Variants in KLHL14 observed in about 807,000 individuals in gnomAD.
KLHL14 encodes kelch like family member 14, also known as kelch-like protein 14.
KLHL14 carries 22 observed loss-of-function variants against 64.3 expected under a neutral mutation model. That is an observed-to-expected ratio of 0.34 (90% CI 0.24 to 0.49). The LOEUF (loss-of-function observed/expected upper bound fraction) is 0.49. Ranked by LOEUF, KLHL14 falls within the 20% of genes least tolerant of loss-of-function variation. KLHL14 has a pLI of 0.99. For synonymous variants in KLHL14, 322 were observed against 333.4 expected, an observed-to-expected ratio of 0.97 and a Z score of 0.37; for missense variants, 661 against 789.0, an observed-to-expected ratio of 0.84 and a Z score of 1.94.
intron 3 of KLHL14, among the ~76,000 whole-genome samples, chr18:32,712,705 C>G (rs2050025551): frequency 6.6e-6 from 1 of 152,188 alleles, no homozygotes; most frequent in Non-Finnish European, 1.5e-5. Context: ...GTTGTCTTTG[C>G]TCAAGATTTC....
In KLHL14 at chr18:32,770,793, T is replaced by C. The variant is rs994621237; in HGVS notation, c.-43-159A>G. Among the ~76,000 whole-genome samples, 6 of 152,034 alleles carry C rather than the reference T, an allele frequency of 3.9e-5. No individual in the cohort carries two copies. Among genetic ancestry groups the C allele is most frequent in the African/African-American group, 9.7e-5 (4 of 41,394 alleles). Reference sequence around the variant, plus strand: ...CCTGGCGCGCTCCGGACCCCGACCCTAGGAGGAAAGTCCGAAGACGCTGGA... The same window carrying C: ...CCTGGCGCGCTCCGGACCCCGACCCCAGGAGGAAAGTCCGAAGACGCTGGA... On this transcript the variant is annotated intron_variant, in intron 1 of 8. Coordinates refer to ENST00000359358, the MANE Select transcript of KLHL14 (RefSeq NM_020805.3). This position sits in a 1 kb window ranked among gnomAD's most constrained non-coding sequence, Gnocchi z 6.7.
At chr18:32,761,488 A>G (rs1038555503) in intron 2 of KLHL14, among the ~76,000 whole-genome samples, 6 of 147,554 alleles carry the variant, frequency 4.1e-5, no homozygotes, top group African/African-American at 7.6e-5. Flanking sequence ...TGCCTCTCCA[A>G]TTGCATATTT....
At chr18:32,771,910 C>G (rs1407953835) in intron 1 of KLHL14, 1 of 164,428 alleles carries the variant, frequency 6.1e-6, no homozygotes. Flanking sequence ...AGCGGCCCCC[C>G]ACTCGGGCAC....
Position 32,680,534 on chromosome 18 carries a change from G to C in KLHL14, c.1304C>G (p.Thr435Ser). The C allele has an allele frequency of 6.2e-7, 1 of 1,613,744 alleles. No individual in the cohort carries two copies. Residue 435 changes from threonine (T) to serine (S), a missense_variant, in exon 6 of 9, where the codon ACT (threonine) becomes AGT (serine). Thr to Ser is a moderately conservative substitution (Grantham distance 58). Transcript: ENST00000359358. This position sits in a 1 kb window ranked among gnomAD's most constrained non-coding sequence, Gnocchi z 4.8. ...HLYVIGGRNE[T>S]GYLSSVECYN... ...GCACTCCACGCTGGACAAGTAGCCAGTTTCATTCCTTCCACCAATTACGTA... is the reference window on the plus strand; with the variant it reads ...GCACTCCACGCTGGACAAGTAGCCACTTTCATTCCTTCCACCAATTACGTA...
At chr18:32,681,077 C>T (rs1012804003) in intron 5 of KLHL14, among the ~76,000 whole-genome samples, 1 of 152,060 alleles carries the variant, frequency 6.6e-6, no homozygotes, top group African/African-American at 2.4e-5. Flanking sequence ...TCAATTATCA[C>T]TTTTTTTACC....
At chr18:32,766,700 C>T (rs1185655465) in intron 2 of KLHL14, among the ~76,000 whole-genome samples, 1 of 151,882 alleles carries the variant, frequency 6.6e-6, no homozygotes, top group East Asian at 1.9e-4. Flanking sequence ...TACTTATTGT[C>T]CTTATGTTAA....
At chr18:32,693,413 C>CACACACAGAGAGAGAGAGAG (rs1229737083) in intron 4 of KLHL14, among the ~76,000 whole-genome samples, 4 of 97,032 alleles carry the variant, frequency 4.1e-5, no homozygotes, top group African/African-American at 1.9e-4. Flanking sequence ...CACACACACA[C>CACACACAGAGAGAGAGAGAG]AGAGAGAGAG....
At chr18:32,681,150 A>G (rs1019600897) in intron 5 of KLHL14, among the ~76,000 whole-genome samples, 6 of 152,144 alleles carry the variant, frequency 3.9e-5, no homozygotes, top group African/African-American at 1.4e-4. Context: ...CAAATTTTGC[A>G]CTTATATAAC....
intron 3 of KLHL14, among the ~76,000 whole-genome samples, chr18:32,734,863 T>C (rs1051650854): frequency 2.6e-5 from 4 of 151,562 alleles, no homozygotes; most frequent in African/African-American, 7.3e-5. Context: ...TTCAGGTCTA[T>C]CTGTCTCTAA....
At position 32,741,972 on chromosome 18, in the gene KLHL14, A is replaced by C. The variant is rs2050200951; in HGVS notation, c.1025T>G (p.Val342Gly). ...CTTCTTTTCATCGTCGTAATACTGA[A>C]CCAAATTGCTGGGGAGCCGGTCCGG... ...PGPDRLPSNL[V>G]QYYDDEKKTW... Residue 342 changes from valine (V) to glycine (G), a missense_variant, in exon 3 of 9, where the codon GTT becomes GGT. Physicochemically the swap from Val to Gly is moderately radical, Grantham distance 109 (BLOSUM62 -3). Transcript: ENST00000359358. 6.2e-7 allele frequency: 1 copy of C among 1,612,612 alleles called. No homozygotes were observed. Among genetic ancestry groups the C allele is most frequent in the Admixed American group, 1.7e-5 (1 of 59,558 alleles).
At chr18:32,718,535 T>A (rs906395145) in intron 3 of KLHL14, among the ~76,000 whole-genome samples, 1 of 152,150 alleles carries the variant, frequency 6.6e-6, no homozygotes, top group Non-Finnish European at 1.5e-5. Flanking sequence ...TGCTTATGAT[T>A]AGCAAGAGAG....
rs2049831574 is a variant in KLHL14, at chr18:32,680,259, G to T, written c.1498C>A (p.Arg500=). ...CYDPVMDVWA[R]KQDMNTKRAI... ...CGTTTTGTGTTCATATCTTGTTTTCGAGCCCAGACATCCATTACTGGGTCA... is the reference window on the plus strand; with the variant it reads ...CGTTTTGTGTTCATATCTTGTTTTCTAGCCCAGACATCCATTACTGGGTCA... Residue 500 remains arginine, a synonymous_variant, in exon 7 of 9, where the codon CGA becomes AGA. Coordinates refer to ENST00000359358, the MANE Select transcript of KLHL14 (RefSeq NM_020805.3). This position sits in a 1 kb window ranked among gnomAD's most constrained non-coding sequence, Gnocchi z 4.8. The T allele has an allele frequency of 2.5e-6, 4 of 1,613,630 alleles. No individual in the cohort carries two copies. In the South Asian group the frequency reaches 4.4e-5, roughly 18 times the overall value.
At chr18:32,747,835 A>AGTTTTTCCTATCCT (rs2050231382) in intron 2 of KLHL14, among the ~76,000 whole-genome samples, 1 of 152,172 alleles carries the variant, frequency 6.6e-6, no homozygotes, top group Non-Finnish European at 1.5e-5. Context: ...TTTCAAGCCA[A>AGTTTTTCCTATCCT]GTTTTTCCTA....
At chr18:32,728,262 C>G (rs1310616713) in intron 3 of KLHL14, among the ~76,000 whole-genome samples, 1 of 152,164 alleles carries the variant, frequency 6.6e-6, no homozygotes, top group East Asian at 1.9e-4. Context: ...TGAGAAATAG[C>G]AAAGACTGCA....
intron 4 of KLHL14, among the ~76,000 whole-genome samples, chr18:32,691,592 G>A (rs2049908082): frequency 6.6e-6 from 1 of 152,150 alleles, no homozygotes; most frequent in South Asian, 2.1e-4. Context: ...CTGGGAAGGT[G>A]AAAGGAAGGA....
chr18:32,748,749 C>T (rs2050237541), intron 2 of KLHL14, among the ~76,000 whole-genome samples: 1 of 151,820 alleles, frequency 6.6e-6, no homozygotes, highest in African/African-American at 2.4e-5. Flanking sequence ...CTCGGTCTCC[C>T]AAAGTGTTAG....
At chr18:32,697,714 T>C (rs574407777) in intron 3 of KLHL14, among the ~76,000 whole-genome samples, 1 of 152,158 alleles carries the variant, frequency 6.6e-6, no homozygotes, top group African/African-American at 2.4e-5. Context: ...AAATAATACA[T>C]GATTTATTTT....
At chr18:32,721,811 C>A (rs1377213531) in intron 3 of KLHL14, among the ~76,000 whole-genome samples, 2 of 152,146 alleles carry the variant, frequency 1.3e-5, no homozygotes, top group African/African-American at 2.4e-5. Flanking sequence ...AACCCGCCTA[C>A]CTGACTCACC....
chr18:32,707,460 G>A (rs1460535924), intron 3 of KLHL14, among the ~76,000 whole-genome samples: 1 of 152,196 alleles, frequency 6.6e-6, no homozygotes, highest in East Asian at 1.9e-4. Flanking sequence ...GCCTTTGGCT[G>A]GCATCTGAGA....
Sources: allele counts gnomAD v4.1 joint callset (sites outside exome capture counted in the v4.1 genomes callset), GRCh38; gene constraint gnomAD v4.1.1; non-coding constraint Gnocchi (gnomAD v3.1); transcripts MANE v1.5; gene names NCBI Gene and HGNC (gene_info 2026-07-23, HGNC 2026-07-21).